AGPAT3: variants seen among roughly 807,000 people sequenced by gnomAD.
AGPAT3 encodes the protein 1-acyl-sn-glycerol-3-phosphate acyltransferase gamma.
AGPAT3 carries 5 observed loss-of-function variants against 47.3 expected under a neutral mutation model. The ratio of observed to expected loss-of-function variants is 0.11; its 90% CI spans 0.06 to 0.22. The LOEUF is 0.22. Ranked by LOEUF, AGPAT3 falls within the 10% of genes least tolerant of loss-of-function variation. The pLI, the probability that AGPAT3 is intolerant of heterozygous loss-of-function variation, is 1.00. For missense variants in AGPAT3, 315 were observed against 493.0 expected (o/e 0.64, Z 3.42); for synonymous variants, 212 against 208.3 (o/e 1.02, Z -0.15).
chr21:43,957,272 G>A (rs1479604629), intron 2 of AGPAT3, among the ~76,000 whole-genome samples: 2 of 152,172 alleles, frequency 1.3e-5, no homozygotes, highest in African/African-American at 4.8e-5. Context: ...GGCGCCCATG[G>A]AGAGCCTTGC....
chr21:43,918,588 C>CTT (rs35297249), intron 2 of AGPAT3, among the ~76,000 whole-genome samples: 11 of 130,392 alleles, frequency 8.4e-5, no homozygotes, highest in African/African-American at 2.5e-4. Flanking sequence ...AGACTGCTGG[C>CTT]TTTTTTTTTT....
At chr21:43,963,741 T>C (rs1341221249) in intron 3 of AGPAT3, among the ~76,000 whole-genome samples, 1 of 142,630 alleles carries the variant, frequency 7.0e-6, no homozygotes, top group Non-Finnish European at 1.5e-5. Context: ...GATAAGGAAG[T>C]CTTCGAATCC....
rs571674695 is a variant in AGPAT3, at chr21:43,979,021, G to T, written c.843+900G>T. ...TCAAGAAAATAAGGGAAATCGGTCG[G>T]GTGCTGTGGCTCATGCCTGTAATCC... On this transcript the variant is annotated intron_variant, in intron 8 of 9. Coordinates refer to ENST00000291572, the MANE Select transcript of AGPAT3 (RefSeq NM_020132.5). Among the ~76,000 whole-genome samples the T allele has an allele frequency of 9.9e-5, 15 of 152,256 alleles. No homozygotes were observed. In the East Asian group the frequency reaches 2.1e-3, roughly 22 times the overall value.
Position 43,902,504 on chromosome 21 carries a change from G to A in AGPAT3, c.-111-1453G>A, listed in dbSNP as rs144001611. Among the ~76,000 whole-genome samples, 49 of 152,340 alleles carry A rather than the reference G, an allele frequency of 3.2e-4. 1 individual carries two copies. The East Asian group carries it at 8.7e-3, about 27-fold the overall frequency. ...TCACAGTTCTGGAGGCTGGAAGTCC[G>A]AGCTCAAGGTGCCTGTAGGTTTGGT... On this transcript the variant is annotated intron_variant, in intron 1 of 9. Transcript: ENST00000291572.
chr21:43,892,544 G>A (rs1304438506), intron 1 of AGPAT3, among the ~76,000 whole-genome samples: 1 of 152,210 alleles, frequency 6.6e-6, no homozygotes, highest in East Asian at 1.9e-4. Context: ...AAGCAGGTGT[G>A]CTGTCATCCA....
intron 2 of AGPAT3, among the ~76,000 whole-genome samples, chr21:43,906,499 C>CACTAGACAGTGATACA (rs1395216249): frequency 6.6e-6 from 1 of 152,158 alleles, no homozygotes; most frequent in Non-Finnish European, 1.5e-5. Flanking sequence ...AATGTTGTAT[C>CACTAGACAGTGATACA]ACTAGACAGT....
intron 2 of AGPAT3, among the ~76,000 whole-genome samples, chr21:43,923,981 C>G (rs1368170674): frequency 6.6e-6 from 1 of 152,110 alleles, no homozygotes; most frequent in East Asian, 1.9e-4. Flanking sequence ...TTAGGAGTAA[C>G]AGTAGATGCT....
chr21:43,876,406 C>T lies in AGPAT3; in HGVS notation c.-112+11061C>T, dbSNP rs192559997. Among the ~76,000 whole-genome samples the T allele has an allele frequency of 1.6e-4, 24 of 152,332 alleles. No homozygotes were observed. The East Asian group carries it at 3.9e-3, about 24-fold the overall frequency. ...GGATTGTGGGCTCATTTCACATGGG[C>T]TTTGTCTGTGGATTCCTGCAAGGCT... On this transcript the variant is annotated intron_variant, in intron 1 of 9. Transcript: ENST00000291572.
intron 1 of AGPAT3, among the ~76,000 whole-genome samples, chr21:43,897,669 G>A (rs997382774): frequency 4.4e-4 from 67 of 151,912 alleles, no homozygotes; most frequent in African/African-American, 2.4e-5. Context: ...CGGGGCGGCC[G>A]GGCAGAGGGG....
rs368453091 is a variant in AGPAT3 at position 43,952,069 on chromosome 21, G to A, written c.-48-7565G>A. On this transcript the variant is annotated intron_variant, in intron 2 of 9. Coordinates refer to ENST00000291572, the MANE Select transcript of AGPAT3 (RefSeq NM_020132.5). The surrounding 1 kb of genome is among the most constrained non-coding windows in gnomAD (Gnocchi z 5.6). ...GCAGGCAGGGGGTGGGCTGGATGGCGGAACACGGGGATGGGCCCGTACCTC... is the reference window on the plus strand; with the variant it reads ...GCAGGCAGGGGGTGGGCTGGATGGCAGAACACGGGGATGGGCCCGTACCTC... Among the ~76,000 whole-genome samples, 5 of 152,098 alleles carry A rather than the reference G, an allele frequency of 3.3e-5. No individual in the cohort carries two copies. In the East Asian group the frequency reaches 7.7e-4, roughly 23 times the overall value.
rs148209741 is a variant in AGPAT3, at chr21:43,911,773, T to A, written c.-49+7754T>A. 3.7e-4 allele frequency among the ~76,000 whole-genome samples: 56 copies of A among 152,332 alleles called. No homozygotes were observed. The East Asian group carries it at 9.8e-3, about 27-fold the overall frequency. On this transcript the variant is annotated intron_variant, in intron 2 of 9. Transcript: ENST00000291572. ...GTTTTATTGACCGGGTCATCTGTGTTCATTAGCTAGCAGCTCCCCTGCAGT... is the reference window on the plus strand; with the variant it reads ...GTTTTATTGACCGGGTCATCTGTGTACATTAGCTAGCAGCTCCCCTGCAGT...
In AGPAT3 at chr21:43,939,757, A is replaced by T. The variant is rs552274443; in HGVS notation, c.-48-19877A>T. 7.9e-5 allele frequency among the ~76,000 whole-genome samples: 12 copies of T among 152,232 alleles called. No homozygotes were observed. In the East Asian group the frequency reaches 2.3e-3, roughly 29 times the overall value. On this transcript the variant is annotated intron_variant, in intron 2 of 9. Transcript: ENST00000291572. This position sits in a 1 kb window ranked among gnomAD's most constrained non-coding sequence, Gnocchi z 4.4. The stretch of plus-strand genomic sequence containing the variant: ...AACTCACCCACAACCTGGCCCCTTG[A>T]CACACTGGTGCTGTGAGGAGGAAGA...
intron 3 of AGPAT3, among the ~76,000 whole-genome samples, chr21:43,964,737 A>C (rs1014853932): frequency 3.9e-5 from 6 of 152,192 alleles, no homozygotes; most frequent in Admixed American, 6.5e-5. Context: ...GAACAGAAAT[A>C]ATCGGCCTCT....
rs2087360317 is a variant in AGPAT3 at position 43,934,281 on chromosome 21, G to A, written c.-48-25353G>A. Among the ~76,000 whole-genome samples, 1 of 152,246 alleles carries A rather than the reference G, an allele frequency of 6.6e-6. No individual in the cohort carries two copies. Among genetic ancestry groups the A allele is most frequent in the Non-Finnish European group, 1.5e-5 (1 of 68,054 alleles). On this transcript the variant is annotated intron_variant, in intron 2 of 9. Transcript: ENST00000291572. The surrounding 1 kb of genome is among the most constrained non-coding windows in gnomAD (Gnocchi z 4.7). ...CCCACACACCAGCCCTCTCACCGCG[G>A]TGTGCCTGTCCCCACCTCCCAAGGG...
At chr21:43,961,141 T>TA (rs1042119184) in intron 3 of AGPAT3, among the ~76,000 whole-genome samples, 12,717 of 130,042 alleles carry the variant, frequency 0.098, 695 homozygotes, top group Non-Finnish European at 0.13. Flanking sequence ...AGACTCTGTC[T>TA]AAAAAAAAAA....
In AGPAT3 at chr21:43,907,136, G is replaced by A. The variant is rs550456670; in HGVS notation, c.-49+3117G>A. ...AGCCTTGAGCTCTCCTGGGCTGAAG[G>A]GATCCTCCTGCCTCAGCCTCCCGGT... On this transcript the variant is annotated intron_variant, in intron 2 of 9. Coordinates refer to ENST00000291572, the MANE Select transcript of AGPAT3 (RefSeq NM_020132.5). Among the ~76,000 whole-genome samples the A allele has an allele frequency of 5.1e-4, 77 of 151,710 alleles. No individual in the cohort carries two copies. The South Asian group carries it at 0.016, about 31-fold the overall frequency.
rs751176409 is a variant in AGPAT3 at position 43,969,190 on chromosome 21, A to T, written c.421A>T (p.Ile141Phe). 1.2e-6 allele frequency: 2 copies of T among 1,613,844 alleles called. No homozygotes were observed. The highest frequency in any genetic ancestry group is 2.7e-5 in the African/African-American group (2 of 74,820). Residue 141 changes from isoleucine to phenylalanine, a missense_variant, in exon 5 of 10, where the codon ATT becomes TTT. Physicochemically the swap from Ile to Phe is conservative, Grantham distance 21. Transcript: ENST00000291572. ...LIGWTWYFLE[I>F]VFCKRKWEED... is the part of the protein sequence containing the mutation. The stretch of plus-strand genomic sequence containing the variant: ...CGGCTGGACGTGGTACTTTCTGGAG[A>T]TTGTGTTCTGCAAGCGGAAGTGGGA...
rs2087380495 is a variant in AGPAT3, at chr21:43,934,850, A to C, written c.-48-24784A>C. On this transcript the variant is annotated intron_variant, in intron 2 of 9. Transcript: ENST00000291572. The surrounding 1 kb of genome is among the most constrained non-coding windows in gnomAD (Gnocchi z 4.7). ...CCCTCACGTCACCGACGCCACTCAC[A>C]TGCCACTCACATGCCATTGACACGC... Among the ~76,000 whole-genome samples the C allele has an allele frequency of 6.7e-6, 1 of 148,196 alleles. No individual in the cohort carries two copies. The highest frequency in any genetic ancestry group is 6.7e-5 in the Admixed American group (1 of 14,894).
Position 43,983,468 on chromosome 21 carries a change from C to T in AGPAT3, c.*1076C>T, listed in dbSNP as rs2029923058. The stretch of plus-strand genomic sequence containing the variant: ...CCCACCCCCCAGCCTCGCACTGTGT[C>T]CTTGGGGAAGGCCCGCCCCCATCCT... On this transcript the variant is annotated 3_prime_UTR_variant, in exon 10 of 10. Coordinates refer to ENST00000291572, the MANE Select transcript of AGPAT3 (RefSeq NM_020132.5). 6.6e-6 allele frequency: 1 copy of T among 152,264 alleles called. No homozygotes were observed. The highest frequency in any genetic ancestry group is 2.1e-4 in the South Asian group (1 of 4,832). The allele number at this position is 152,264 out of a possible 1,614,324, so 9.4% of individuals were successfully genotyped here.
Sources: gnomAD v4.1 joint callset for allele counts (sites outside exome capture counted in the v4.1 genomes callset) on GRCh38, gnomAD v4.1.1 for gene constraint, Gnocchi (gnomAD v3.1) non-coding constraint, MANE v1.5 for transcripts, NCBI Gene and HGNC (gene_info 2026-07-23, HGNC 2026-07-21) for gene names.